ADGRL3: variants seen among roughly 807,000 people sequenced by gnomAD.
ADGRL3 encodes the protein calcium-independent alpha-latrotoxin receptor 3.
In ADGRL3, 62 loss-of-function variants were observed where a neutral mutation model predicts 153.5. That is an observed-to-expected ratio of 0.40 (90% confidence interval 0.33 to 0.50). ADGRL3 has a LOEUF of 0.50. Ranked by LOEUF, ADGRL3 falls within the 20% of genes least tolerant of loss-of-function variation. The pLI is 0.47. For missense variants in ADGRL3, 1,641 were observed against 1,859.4 expected (o/e 0.88, Z 2.16); for synonymous variants, 710 against 672.5 (o/e 1.06, Z -0.86).
intron 1 of ADGRL3, among the ~76,000 whole-genome samples, chr4:61,304,801 T>C (rs977586691): frequency 6.6e-6 from 1 of 152,170 alleles, no homozygotes; most frequent in South Asian, 2.1e-4. Flanking sequence ...GTGTTACTCA[T>C]GTAGTGAATG....
At chr4:61,736,332 A>C (rs1236675830) in intron 8 of ADGRL3, among the ~76,000 whole-genome samples, 1 of 152,060 alleles carries the variant, frequency 6.6e-6, no homozygotes, top group Non-Finnish European at 1.5e-5. Flanking sequence ...TCTCACCCTC[A>C]CGTACTAGTG....
intron 25 of ADGRL3, among the ~76,000 whole-genome samples, chr4:62,060,295 G>A (rs370520876): frequency 9.9e-5 from 15 of 151,976 alleles, no homozygotes; most frequent in African/African-American, 3.1e-4. Context: ...GAAGAGTGGC[G>A]TGCAATCTCC....
intron 1 of ADGRL3, among the ~76,000 whole-genome samples, chr4:61,363,379 GTTC>G (rs974877098): frequency 4.7e-5 from 7 of 150,178 alleles, no homozygotes; most frequent in African/African-American, 1.7e-4. Flanking sequence ...GGTAGAGTTT[GTTC>G]TTCATTTACT....
At chr4:61,677,861 A>T (rs1340065567) in intron 6 of ADGRL3, among the ~76,000 whole-genome samples, 1 of 152,014 alleles carries the variant, frequency 6.6e-6, no homozygotes, top group Non-Finnish European at 1.5e-5. Flanking sequence ...GACATTACTC[A>T]TGAGCTGGAA....
Position 61,737,484 on chromosome 4 carries a change from G to A in ADGRL3, c.1399+3930G>A, listed in dbSNP as rs142697865. On this transcript the variant is annotated intron_variant, in intron 8 of 26. Transcript: ENST00000683033. Reference sequence around the variant, plus strand: ...ACATGAGCTTGGGAGTCAGAAGGACGTGGGTTTGAATTCTCTCTATCTCTT... The same window carrying A: ...ACATGAGCTTGGGAGTCAGAAGGACATGGGTTTGAATTCTCTCTATCTCTT... Among the ~76,000 whole-genome samples the A allele has an allele frequency of 4.7e-3, 711 of 152,252 alleles. 8 individuals carry two copies. The highest frequency in any genetic ancestry group is 0.016 in the African/African-American group (669 of 41,554).
At chr4:61,483,946 A>G (rs2098161320) in intron 2 of ADGRL3, among the ~76,000 whole-genome samples, 1 of 151,148 alleles carries the variant, frequency 6.6e-6, no homozygotes, top group Non-Finnish European at 1.5e-5. Flanking sequence ...GGGCATATAA[A>G]TAGGACCTAA....
chr4:61,241,534 AT>A (rs901984198), intron 1 of ADGRL3, among the ~76,000 whole-genome samples: 1 of 152,076 alleles, frequency 6.6e-6, no homozygotes, highest in Admixed American at 6.6e-5. Flanking sequence ...GCCATTGTAA[AT>A]AAATTAATTC....
chr4:61,923,485 A>T (rs1581478112), intron 13 of ADGRL3, among the ~76,000 whole-genome samples: 1 of 151,754 alleles, frequency 6.6e-6, no homozygotes, highest in South Asian at 2.1e-4. Flanking sequence ...TGAGTATCAG[A>T]CTCCTGTTGC....
chr4:61,746,659 C>T (rs1485432051), intron 8 of ADGRL3, among the ~76,000 whole-genome samples: 1 of 152,098 alleles, frequency 6.6e-6, no homozygotes, highest in Non-Finnish European at 1.5e-5. Context: ...TTGAAACCAA[C>T]AAGAACAAAG....
chr4:61,757,930 T>G (rs1287322796), intron 8 of ADGRL3, among the ~76,000 whole-genome samples: 1 of 152,202 alleles, frequency 6.6e-6, no homozygotes, highest in Non-Finnish European at 1.5e-5. Flanking sequence ...GCTGAGAAGT[T>G]TTGAGTGAGT....
intron 9 of ADGRL3, among the ~76,000 whole-genome samples, chr4:61,886,003 G>A (rs1561415352): frequency 5.3e-5 from 8 of 152,040 alleles, no homozygotes; most frequent in Non-Finnish European, 1.5e-5. Context: ...ACAATTTTGT[G>A]TTTATTTAAA....
chr4:61,576,877 G>A (rs2098888179), intron 4 of ADGRL3, among the ~76,000 whole-genome samples: 1 of 151,828 alleles, frequency 6.6e-6, no homozygotes, highest in Admixed American at 6.6e-5. Flanking sequence ...TACGTAGACA[G>A]CAATTGTCCA....
rs749476005 is a variant in ADGRL3, at chr4:61,935,992, A to T, written c.2366A>T (p.His789Leu). The change falls in exon 15 of 27, where the codon CAT (histidine) becomes CTT (leucine). Residue 789 changes from histidine (H) to leucine (L), a missense_variant. His to Leu is a moderately conservative substitution (Grantham distance 99, BLOSUM62 -3). Around this residue, in one of 5 missense-constraint regions of ADGRL3, gnomAD observed 734 missense variants for 797.0 expected, o/e 0.92. Transcript: ENST00000683033. ...CTAAAATTTCCAGAAAACATGGGCC[A>T]TGGAAGCACTATCCAGCTGTCTGCA... Reference protein sequence around the residue: ...EDLKFPENMGHGSTIQLSANT... With the variant: ...EDLKFPENMGLGSTIQLSANT... 25 of 1,609,102 alleles carry T rather than the reference A, an allele frequency of 1.6e-5. No individual in the cohort carries two copies. The East Asian group carries it at 4.5e-4, about 29-fold the overall frequency.
intron 17 of ADGRL3, among the ~76,000 whole-genome samples, chr4:61,956,156 G>GT (rs1412338922): frequency 2.6e-5 from 4 of 152,178 alleles, no homozygotes; most frequent in Non-Finnish European, 5.9e-5. Flanking sequence ...CCCACCAATA[G>GT]TGTAAAAGTG....
intron 2 of ADGRL3, among the ~76,000 whole-genome samples, chr4:61,452,298 G>T (rs751463985): frequency 2.0e-5 from 3 of 152,114 alleles, no homozygotes; most frequent in African/African-American, 7.2e-5. Context: ...TGTTATACTC[G>T]TAACAGTTCA....
intron 21 of ADGRL3, among the ~76,000 whole-genome samples, chr4:62,023,706 A>G (rs1443624145): frequency 6.6e-6 from 1 of 152,180 alleles, no homozygotes; most frequent in Non-Finnish European, 1.5e-5. Flanking sequence ...AGAATATGGT[A>G]ACTTTTTTTT....
intron 5 of ADGRL3, among the ~76,000 whole-genome samples, chr4:61,652,405 A>T (rs576344649): frequency 6.6e-5 from 10 of 152,210 alleles, no homozygotes; most frequent in Non-Finnish European, 8.8e-5. Context: ...GATTAAATAA[A>T]GCGGAGGTCA....
chr4:61,270,617 C>T (rs954958364), intron 1 of ADGRL3, among the ~76,000 whole-genome samples: 6 of 151,606 alleles, frequency 4.0e-5, no homozygotes, highest in East Asian at 3.9e-4. Flanking sequence ...TATAAAATGC[C>T]GAGGCAGGAA....
At chr4:61,902,388 C>T (rs902874979) in intron 11 of ADGRL3, among the ~76,000 whole-genome samples, 6 of 152,066 alleles carry the variant, frequency 3.9e-5, no homozygotes, top group African/African-American at 1.4e-4. Context: ...TGCCCACTAC[C>T]CCAATCCATA....
Sources: allele counts gnomAD v4.1 joint callset (sites outside exome capture counted in the v4.1 genomes callset), GRCh38; gene constraint gnomAD v4.1.1; regional missense constraint gnomAD v4.1.1; transcripts MANE v1.5; gene names NCBI Gene and HGNC (gene_info 2026-07-23, HGNC 2026-07-21).